The following EBF2 variants were observed in gnomAD, a reference collection of about 807,000 sequenced individuals.
The protein encoded by EBF2 is EBF transcription factor 2, also known as transcription factor COE2.
A neutral mutation model predicts 72.8 loss-of-function variants in EBF2; 21 were observed. That is an observed-to-expected ratio of 0.29 (90% confidence interval 0.20 to 0.42). The LOEUF (loss-of-function observed/expected upper bound fraction) is 0.42. Among genes scored for constraint, EBF2 ranks in the 10% least tolerant of loss-of-function variants. The pLI, the probability that EBF2 is intolerant of heterozygous loss-of-function variation, is 1.00. For missense variants in EBF2, 637 were observed against 731.2 expected, an observed-to-expected ratio of 0.87 and a Z score of 1.49; for synonymous variants, 299 against 274.2, an observed-to-expected ratio of 1.09 and a Z score of -0.89.
chr8:26,042,051 G>C, intron 2 of EBF2, 44 bp downstream of exon 2: 1 of 1,600,986 alleles, frequency 6.2e-7, no homozygotes, highest in Non-Finnish European at 8.5e-7. Context: ...CTTCGCAAGA[G>C]GGAGTTATTA....
At chr8:26,037,187 TG>T (rs1450639932) in intron 5 of EBF2, among the ~76,000 whole-genome samples, 6 of 151,888 alleles carry the variant, frequency 4.0e-5, no homozygotes, top group Non-Finnish European at 7.4e-5. Context: ...AAGTGGGAGG[TG>T]GGGAAATATG....
rs182503930 is a variant in EBF2 at position 25,870,885 on chromosome 8, G to A, written c.1010-8088C>T. Among the ~76,000 whole-genome samples the A allele has an allele frequency of 2.9e-3, 447 of 152,154 alleles. 2 individuals are homozygous for A. Among genetic ancestry groups the A allele is most frequent in the Non-Finnish European group, 5.4e-3 (368 of 68,012 alleles). ...ATACATCTCGTGTGCATCCAAGTGAGAGAGAGGACAGTAAAACACAGTTAC... is the reference window on the plus strand; with the variant it reads ...ATACATCTCGTGTGCATCCAAGTGAAAGAGAGGACAGTAAAACACAGTTAC... On this transcript the variant is annotated intron_variant, in intron 10 of 15. Coordinates refer to ENST00000520164, the MANE Select transcript of EBF2 (RefSeq NM_022659.4).
chr8:25,860,763 T>G (rs1429503010), intron 13 of EBF2, among the ~76,000 whole-genome samples: 1 of 152,124 alleles, frequency 6.6e-6, no homozygotes, highest in Non-Finnish European at 1.5e-5. Flanking sequence ...GCAATCTACC[T>G]GCCTCAGCCT....
At chr8:26,007,642 C>T (rs1167332129) in intron 6 of EBF2, among the ~76,000 whole-genome samples, 3 of 152,148 alleles carry the variant, frequency 2.0e-5, no homozygotes, top group South Asian at 4.1e-4. Flanking sequence ...CTCATCACCC[C>T]TGCATGAAGC....
intron 6 of EBF2, among the ~76,000 whole-genome samples, chr8:25,938,382 A>C (rs1455170259): frequency 6.6e-6 from 1 of 151,682 alleles, no homozygotes; most frequent in Non-Finnish European, 1.5e-5. Flanking sequence ...TTTGAAAAAA[A>C]AAAAGCCTAG....
intron 15 of EBF2, among the ~76,000 whole-genome samples, chr8:25,848,713 G>A (rs1563372681): frequency 6.6e-6 from 1 of 152,124 alleles, no homozygotes; most frequent in African/African-American, 2.4e-5. Context: ...TAACATATGT[G>A]CTAAGTGGCC....
intron 6 of EBF2, among the ~76,000 whole-genome samples, chr8:25,942,763 C>G (rs1470624826): frequency 6.6e-6 from 1 of 152,196 alleles, no homozygotes; most frequent in Non-Finnish European, 1.5e-5. Context: ...AAAACCGGAA[C>G]AGCCTTCGTT....
chr8:26,016,220 C>G (rs1805108407), intron 6 of EBF2, among the ~76,000 whole-genome samples: 1 of 152,208 alleles, frequency 6.6e-6, no homozygotes, highest in Non-Finnish European at 1.5e-5. Flanking sequence ...GCGATTCATT[C>G]ATTGTGCTCA....
At chr8:26,038,650 T>C (rs1805545582) in intron 5 of EBF2, among the ~76,000 whole-genome samples, 1 of 152,208 alleles carries the variant, frequency 6.6e-6, no homozygotes, top group African/African-American at 2.4e-5. Flanking sequence ...ATCTCAGAAC[T>C]GTATTTTCTT....
intron 6 of EBF2, among the ~76,000 whole-genome samples, chr8:26,023,554 GGTTTTC>G (rs1749913624): frequency 6.6e-6 from 1 of 152,126 alleles, no homozygotes. Context: ...ATGGTGAGTT[GGTTTTC>G]GTCTTTCTCC....
At chr8:25,936,021 T>G (rs943448253) in intron 6 of EBF2, among the ~76,000 whole-genome samples, 1 of 152,196 alleles carries the variant, frequency 6.6e-6, no homozygotes, top group Non-Finnish European at 1.5e-5. Context: ...CAGAAACTTC[T>G]GCGCATTAGG....
intron 15 of EBF2, among the ~76,000 whole-genome samples, chr8:25,847,759 A>T (rs1801867966): frequency 6.6e-6 from 1 of 152,176 alleles, no homozygotes; most frequent in Admixed American, 6.5e-5. Context: ...TCCAGTGGCT[A>T]ATACTCTTTA....
At chr8:26,038,450 C>T (rs1585237176) in intron 5 of EBF2, among the ~76,000 whole-genome samples, 1 of 152,158 alleles carries the variant, frequency 6.6e-6, no homozygotes, top group Non-Finnish European at 1.5e-5. Context: ...GTCTTAACTA[C>T]AGCTGGATGG....
chr8:25,892,375 C>G (rs1483782291), intron 7 of EBF2, among the ~76,000 whole-genome samples: 1 of 152,198 alleles, frequency 6.6e-6, no homozygotes, highest in Non-Finnish European at 1.5e-5. Flanking sequence ...CAACCCCCTA[C>G]TCAACAATGA....
chr8:25,850,879 T>TAA, intron 14 of EBF2, 118 bp from the exon 15 acceptor site: 1 of 1,206,150 alleles, frequency 8.3e-7, no homozygotes, highest in African/African-American at 1.7e-5. Context: ...ATTGCAGGGA[T>TAA]TAAAAAAAAA....
rs541270929 is a variant in EBF2 at position 25,942,946 on chromosome 8, T to C, written c.552-34391A>G. The stretch of plus-strand genomic sequence containing the variant: ...GTGCGTGGTGCATGGTCTACCTCAG[T>C]GCAGTGGTAACCTCCTGGAGCTCAG... On this transcript the variant is annotated intron_variant, in intron 6 of 15. Transcript: ENST00000520164. Among the ~76,000 whole-genome samples, 9 of 152,258 alleles carry C rather than the reference T, an allele frequency of 5.9e-5. No homozygotes were observed. In the East Asian group the frequency reaches 1.7e-3, roughly 29 times the overall value.
intron 6 of EBF2, among the ~76,000 whole-genome samples, chr8:25,922,252 A>T (rs1433203080): frequency 2.7e-5 from 1 of 37,352 alleles, no homozygotes; most frequent in Non-Finnish European, 1.2e-4. Context: ...TTTTTGCTTA[A>T]AAAAAAAAAA....
intron 10 of EBF2, among the ~76,000 whole-genome samples, chr8:25,868,085 TG>T (rs899038324): frequency 1.2e-4 from 18 of 152,246 alleles, no homozygotes; most frequent in African/African-American, 4.1e-4. Flanking sequence ...TACTTATCTT[TG>T]CCACAACTTA....
chr8:25,977,531 G>A (rs1197610296), intron 6 of EBF2, among the ~76,000 whole-genome samples: 4 of 152,148 alleles, frequency 2.6e-5, no homozygotes, highest in African/African-American at 9.7e-5. Context: ...TTCTGACCAC[G>A]ATAGAAGAAG....
Sources: allele counts gnomAD v4.1 joint callset (sites outside exome capture counted in the v4.1 genomes callset), GRCh38; gene constraint gnomAD v4.1.1; transcripts MANE v1.5; gene names NCBI Gene and HGNC (gene_info 2026-07-23, HGNC 2026-07-21).